Variants in APBA1 observed in about 807,000 individuals in gnomAD.
The protein encoded by APBA1 is amyloid beta precursor protein binding family A member 1, also known as amyloid-beta A4 precursor protein-binding family A member 1.
In APBA1, 55 loss-of-function variants were observed where a neutral mutation model predicts 86.6. That is an observed-to-expected ratio of 0.64 (90% CI 0.51 to 0.80). APBA1 has a LOEUF of 0.80. APBA1 is among the 30% of genes least tolerant of loss of function. The pLI is 0.00. For synonymous variants in APBA1, 511 were observed against 493.9 expected (o/e 1.03, Z -0.46); for missense variants, 1,090 against 1,183.0 (o/e 0.92, Z 1.15).
intron 6 of APBA1, 136 bp downstream of exon 6, chr9:69,458,020 G>T: frequency 1.2e-6 from 1 of 852,210 alleles, no homozygotes; most frequent in Non-Finnish European, 1.8e-6. Context: ...CTGGCTTATG[G>T]GGCGGTTCAA....
intron 2 of APBA1, among the ~76,000 whole-genome samples, chr9:69,489,160 C>G (rs987668134): frequency 6.6e-6 from 1 of 152,000 alleles, no homozygotes; most frequent in Non-Finnish European, 1.5e-5. Flanking sequence ...CAGAAAAGCC[C>G]GCATTGCCAA....
intron 1 of APBA1, among the ~76,000 whole-genome samples, chr9:69,579,002 G>A (rs888727891): frequency 2.0e-5 from 3 of 152,152 alleles, no homozygotes; most frequent in Non-Finnish European, 2.9e-5. Flanking sequence ...AAGAGGGTTA[G>A]TGAATGCAGT....
intron 1 of APBA1, among the ~76,000 whole-genome samples, chr9:69,520,871 C>T (rs1383098575): frequency 6.6e-6 from 1 of 152,142 alleles, no homozygotes; most frequent in African/African-American, 2.4e-5. Context: ...TGGTTGTTTC[C>T]TTGACTCTGA....
chr9:69,588,436 T>C (rs1428591592), intron 1 of APBA1, among the ~76,000 whole-genome samples: 2 of 151,910 alleles, frequency 1.3e-5, no homozygotes, highest in African/African-American at 4.8e-5. Context: ...AACTTGTTTG[T>C]TGGTTGGAAA....
chr9:69,431,668 GACCCT>G (rs1252020353), intron 12 of APBA1, among the ~76,000 whole-genome samples: 1 of 152,242 alleles, frequency 6.6e-6, no homozygotes, highest in African/African-American at 2.4e-5. Context: ...GCTCTCACCA[GACCCT>G]ACCCTTTTAA....
intron 1 of APBA1, among the ~76,000 whole-genome samples, chr9:69,662,021 A>AACACAC (rs3069250): frequency 6.1e-4 from 90 of 146,758 alleles, no homozygotes; most frequent in African/African-American, 1.5e-3. Context: ...GACAAACAGT[A>AACACAC]ACACACACAC....
intron 1 of APBA1, among the ~76,000 whole-genome samples, chr9:69,583,376 C>T (rs541743338): frequency 1.3e-5 from 2 of 152,242 alleles, no homozygotes; most frequent in African/African-American, 4.8e-5. Flanking sequence ...GAACCTAGTG[C>T]CTTCCCTATT....
chr9:69,464,631 A>G (rs1057360494), intron 5 of APBA1: 3 of 152,218 alleles, frequency 2.0e-5, no homozygotes, highest in African/African-American at 4.8e-5. Context: ...ATTTCTTATG[A>G]GGCAGCTGGA....
Position 69,579,407 on chromosome 9 carries a change from C to CT in APBA1, c.-69-62129dup, listed in dbSNP as rs1175818698. Among the ~76,000 whole-genome samples the CT allele has an allele frequency of 7.9e-5, 12 of 152,268 alleles. No homozygotes were observed. In the East Asian group the frequency reaches 2.3e-3, roughly 29 times the overall value. ...CATATATTCATTTGCTTTATGCGGA[C>CT]TTTAACTATAGGAGGAATGTCTGTA... On this transcript the variant is annotated intron_variant, in intron 1 of 12. Coordinates refer to ENST00000265381, the MANE Select transcript of APBA1 (RefSeq NM_001163.4).
At chr9:69,609,536 A>C (rs1219146879) in intron 1 of APBA1, among the ~76,000 whole-genome samples, 2 of 152,222 alleles carry the variant, frequency 1.3e-5, no homozygotes, top group Non-Finnish European at 2.9e-5. Flanking sequence ...ATGGTTTACT[A>C]TGGCACATGT....
intron 10 of APBA1, among the ~76,000 whole-genome samples, chr9:69,443,167 A>T (rs1834853756): frequency 6.6e-6 from 1 of 152,200 alleles, no homozygotes. Flanking sequence ...ACTTTTTAGA[A>T]GTGCAGATTC....
At chr9:69,536,892 CA>C (rs1212400623) in intron 1 of APBA1, among the ~76,000 whole-genome samples, 4 of 149,068 alleles carry the variant, frequency 2.7e-5, no homozygotes, top group African/African-American at 9.9e-5. Flanking sequence ...AAAAAAACCA[CA>C]AAAAAACAAA....
At chr9:69,450,494 G>A (rs1031597068) in intron 9 of APBA1, among the ~76,000 whole-genome samples, 1 of 152,170 alleles carries the variant, frequency 6.6e-6, no homozygotes, top group Admixed American at 6.5e-5. Flanking sequence ...AACAGAGTGT[G>A]TATGTGTATT....
At chr9:69,569,915 AT>A in intron 1 of APBA1, among the ~76,000 whole-genome samples, 1 of 152,310 alleles carries the variant, frequency 6.6e-6, no homozygotes, top group African/African-American at 2.4e-5. Flanking sequence ...TGTAATCTTC[AT>A]TGTGGGTGAG....
At chr9:69,468,261 G>T (rs1209209562) in intron 4 of APBA1, among the ~76,000 whole-genome samples, 3 of 152,214 alleles carry the variant, frequency 2.0e-5, no homozygotes, top group Non-Finnish European at 4.4e-5. Flanking sequence ...TGTTTCTCCT[G>T]TTAGACTGTG....
chr9:69,434,682 G>T (rs1834668580), intron 11 of APBA1, among the ~76,000 whole-genome samples: 1 of 150,116 alleles, frequency 6.7e-6, no homozygotes, highest in South Asian at 2.1e-4. Context: ...ACTCCATCTT[G>T]GATGACAGAG....
intron 7 of APBA1, 38 bp downstream of exon 7, chr9:69,457,015 T>G: frequency 6.4e-7 from 1 of 1,557,566 alleles, no homozygotes; most frequent in Non-Finnish European, 8.9e-7. Flanking sequence ...ACGATGTCAC[T>G]AAGCTTCACC....
At chr9:69,489,802 A>G (rs1332482415) in intron 2 of APBA1, among the ~76,000 whole-genome samples, 1 of 152,106 alleles carries the variant, frequency 6.6e-6, no homozygotes, top group African/African-American at 2.4e-5. Flanking sequence ...TTAGAATGGC[A>G]ATCATTAAAA....
chr9:69,657,360 C>T (rs1823633505), intron 1 of APBA1, among the ~76,000 whole-genome samples: 1 of 152,234 alleles, frequency 6.6e-6, no homozygotes, highest in Admixed American at 6.5e-5. Context: ...TTTTCTGAGC[C>T]TGCCAGTTAT....
Sources: allele counts gnomAD v4.1 joint callset (sites outside exome capture counted in the v4.1 genomes callset), GRCh38; gene constraint gnomAD v4.1.1; transcripts MANE v1.5; gene names NCBI Gene and HGNC (gene_info 2026-07-23, HGNC 2026-07-21).